ZFYVE9: variants seen among roughly 807,000 people sequenced by gnomAD.
ZFYVE9 encodes the protein zinc finger FYVE domain-containing protein 9.
ZFYVE9 carries 43 observed loss-of-function variants against 126.7 expected under a neutral mutation model. The observed-to-expected ratio is 0.34, with a 90% confidence interval of 0.27 to 0.44. ZFYVE9 has a LOEUF of 0.44. ZFYVE9 is among the 20% of genes least tolerant of loss of function. The pLI is 1.00. For missense variants in ZFYVE9, 1,476 were observed against 1,697.0 expected, an observed-to-expected ratio of 0.87 and a Z score of 2.29; for synonymous variants, 521 against 597.4, an observed-to-expected ratio of 0.87 and a Z score of 1.87.
At chr1:52,194,597 G>C (rs1251608856) in intron 1 of ZFYVE9, among the ~76,000 whole-genome samples, 1 of 152,112 alleles carries the variant, frequency 6.6e-6, no homozygotes, top group African/African-American at 2.4e-5. Context: ...ATAATGATTA[G>C]AGCATGAAGA....
In ZFYVE9 at chr1:52,346,166, G is replaced by C; in HGVS notation, c.4223G>C (p.Ser1408Thr). ...PVIHGGACQLSEGPVVMELIF... is the reference protein window; with the variant it reads ...PVIHGGACQLTEGPVVMELIF... Reference sequence around the variant, plus strand: ...ATCCATGGAGGGGCCTGCCAGCTTAGTGAGGGCCCCGTTGTCATGGAACTC... The same window carrying C: ...ATCCATGGAGGGGCCTGCCAGCTTACTGAGGGCCCCGTTGTCATGGAACTC... Residue 1408 changes from serine to threonine, a missense_variant, in exon 19 of 19, where the codon AGT (serine) becomes ACT (threonine). By Grantham distance (58) the Ser-to-Thr change is moderately conservative. Coordinates refer to ENST00000287727, the MANE Select transcript of ZFYVE9 (RefSeq NM_004799.4). 1 of 1,612,936 alleles carries C rather than the reference G, an allele frequency of 6.2e-7. No individual in the cohort carries two copies.
intron 13 of ZFYVE9, among the ~76,000 whole-genome samples, chr1:52,326,525 A>T (rs570474628): frequency 4.1e-5 from 2 of 48,442 alleles, no homozygotes; most frequent in Admixed American, 5.9e-4. Context: ...AGACACACAG[A>T]TAGTTACGAG....
In ZFYVE9 at chr1:52,274,345, A is replaced by G. The variant is rs41294492; in HGVS notation, c.2626-119A>G. ...CATGGGTTAATGAATATTTTGTGCTACCTTTCAAAAAGTATGAATTTCAGA... is the reference window on the plus strand; with the variant it reads ...CATGGGTTAATGAATATTTTGTGCTGCCTTTCAAAAAGTATGAATTTCAGA... On this transcript the variant is annotated intron_variant, in intron 7 of 18. Coordinates refer to ENST00000287727, the MANE Select transcript of ZFYVE9 (RefSeq NM_004799.4). 3.1e-3 allele frequency: 3,857 copies of G among 1,260,466 alleles called. 13 individuals are homozygous for G. The highest frequency in any genetic ancestry group is 3.6e-3 in the Non-Finnish European group (3,350 of 923,728). The allele number at this position is 1,260,466 out of a possible 1,614,324, so 78.1% of individuals were successfully genotyped here.
At chr1:52,148,364 T>C (rs1444395586) in intron 1 of ZFYVE9, among the ~76,000 whole-genome samples, 1 of 151,802 alleles carries the variant, frequency 6.6e-6, no homozygotes, top group Middle Eastern at 3.2e-3. Flanking sequence ...GGCAGATACC[T>C]GTAATCCCAG....
At chr1:52,234,951 A>G (rs1420392051) in intron 3 of ZFYVE9, among the ~76,000 whole-genome samples, 2 of 152,204 alleles carry the variant, frequency 1.3e-5, no homozygotes, top group Non-Finnish European at 2.9e-5. Flanking sequence ...CTAGAATACC[A>G]CTGACTCTAA....
At chr1:52,271,980 C>G (rs894046854) in intron 7 of ZFYVE9, among the ~76,000 whole-genome samples, 6 of 152,092 alleles carry the variant, frequency 3.9e-5, no homozygotes, top group Admixed American at 6.5e-5. Context: ...GCTGGGATTA[C>G]AGGCGCCCAC....
intron 9 of ZFYVE9, among the ~76,000 whole-genome samples, chr1:52,281,368 C>T (rs1645802886): frequency 6.6e-6 from 1 of 152,128 alleles, no homozygotes; most frequent in Non-Finnish European, 1.5e-5. Context: ...CTCCTGACCT[C>T]ATGATCCACC....
intron 1 of ZFYVE9, among the ~76,000 whole-genome samples, chr1:52,209,170 C>T (rs1047101613): frequency 2.0e-5 from 3 of 151,990 alleles, no homozygotes; most frequent in South Asian, 2.1e-4. Flanking sequence ...TACACAAGAT[C>T]GAAGGGGCAC....
chr1:52,344,676 T>C (rs1646468368), intron 17 of ZFYVE9, 92 bp from the exon 18 acceptor site: 2 of 1,375,874 alleles, frequency 1.5e-6, no homozygotes, highest in African/African-American at 2.9e-5. Flanking sequence ...CTTGCACATC[T>C]TGGAGAATCA....
intron 10 of ZFYVE9, among the ~76,000 whole-genome samples, chr1:52,288,755 G>A (rs1645888077): frequency 6.6e-6 from 1 of 151,872 alleles, no homozygotes; most frequent in African/African-American, 2.4e-5. Flanking sequence ...GCTAAACCCT[G>A]TCTCTGCTAA....
intron 3 of ZFYVE9, 130 bp downstream of exon 3, chr1:52,233,406 T>C (rs1006388926): frequency 7.6e-5 from 37 of 485,070 alleles, no homozygotes; most frequent in Non-Finnish European, 1.1e-4. Context: ...TTTAATAATA[T>C]ACAGGGGAAG....
intron 10 of ZFYVE9, among the ~76,000 whole-genome samples, chr1:52,285,756 C>T (rs955662385): frequency 2.6e-5 from 4 of 152,090 alleles, no homozygotes; most frequent in Admixed American, 6.5e-5. Flanking sequence ...AAATTTAATG[C>T]GCTTGAATCA....
chr1:52,158,812 T>G (rs1644427434), intron 1 of ZFYVE9, among the ~76,000 whole-genome samples: 3 of 152,050 alleles, frequency 2.0e-5, no homozygotes, highest in Admixed American at 2.0e-4. Context: ...TGTATTTTTT[T>G]TTTTTTTTGA....
chr1:52,237,563 T>C lies in ZFYVE9; in HGVS notation c.146T>C (p.Phe49Ser). 6.2e-7 allele frequency: 1 copy of C among 1,614,018 alleles called. No individual in the cohort carries two copies. The highest frequency in any genetic ancestry group is 8.5e-7 in the Non-Finnish European group (1 of 1,179,904). ...ILDPPSHRLS[F>S]NPTLASVNES... ...GATCCCCCTTCTCACCGGCTGTCAT[T>C]TAACCCTACTTTGGCCAGTGTGAAT... The change falls in exon 4 of 19, where the codon TTT (phenylalanine) becomes TCT (serine). Residue 49 changes from phenylalanine to serine, a missense_variant. By Grantham distance (155) the Phe-to-Ser change is radical. Coordinates refer to ENST00000287727, the MANE Select transcript of ZFYVE9 (RefSeq NM_004799.4).
At chr1:52,162,935 AT>A in intron 1 of ZFYVE9, 2 of 503,400 alleles carry the variant, frequency 4.0e-6, no homozygotes, top group Non-Finnish European at 7.6e-6. Context: ...CATCTCTCCA[AT>A]TTTACACAAG....
intron 1 of ZFYVE9, among the ~76,000 whole-genome samples, chr1:52,195,098 G>A (rs1449642303): frequency 6.6e-6 from 1 of 152,194 alleles, no homozygotes; most frequent in African/African-American, 2.4e-5. Context: ...TGCATCTGTA[G>A]TGGGAGTATT....
intron 1 of ZFYVE9, chr1:52,180,269 A>G (rs901030463): frequency 1.5e-5 from 24 of 1,601,088 alleles, no homozygotes; most frequent in Non-Finnish European, 1.5e-5. Context: ...CTGATGTCAA[A>G]TTTATCAAAG....
chr1:52,283,940 A>G (rs957332531), intron 10 of ZFYVE9, among the ~76,000 whole-genome samples: 1 of 152,218 alleles, frequency 6.6e-6, no homozygotes, highest in Non-Finnish European at 1.5e-5. Flanking sequence ...TTTAAATTAA[A>G]TAATTGCAGT....
chr1:52,245,399 G>A (rs1013651269), intron 4 of ZFYVE9, among the ~76,000 whole-genome samples: 3 of 152,050 alleles, frequency 2.0e-5, no homozygotes, highest in South Asian at 2.1e-4. Context: ...ATAGATTGTG[G>A]TGGTGGTGGT....
Sources: allele counts gnomAD v4.1 joint callset (sites outside exome capture counted in the v4.1 genomes callset), GRCh38; gene constraint gnomAD v4.1.1; transcripts MANE v1.5; gene names NCBI Gene and HGNC (gene_info 2026-07-23, HGNC 2026-07-21).